Variants in LPP observed in about 807,000 individuals in gnomAD.
The protein encoded by LPP is LIM domain containing preferred translocation partner in lipoma.
Under a neutral mutation model 60.4 loss-of-function variants are expected in LPP, and 38 were observed. The observed-to-expected ratio is 0.63, with a 90% CI of 0.49 to 0.83. The LOEUF (loss-of-function observed/expected upper bound fraction) is 0.83, where lower values mean the gene tolerates loss of function less well. Ranked by LOEUF, LPP falls within the 40% of genes least tolerant of loss-of-function variation. LPP has a pLI of 0.00. For missense variants in LPP, 902 were observed against 783.6 expected, an observed-to-expected ratio of 1.15 and a Z score of -1.80; for synonymous variants, 328 against 290.8, an observed-to-expected ratio of 1.13 and a Z score of -1.30.
chr3:188,405,553 T>C (rs1041342778), intron 3 of LPP, among the ~76,000 whole-genome samples: 1 of 152,142 alleles, frequency 6.6e-6, no homozygotes, highest in Non-Finnish European at 1.5e-5. Context: ...GTATATCACC[T>C]CATCAATAAA....
intron 3 of LPP, among the ~76,000 whole-genome samples, chr3:188,353,605 C>T (rs1330277770): frequency 6.6e-6 from 1 of 152,194 alleles, no homozygotes. Flanking sequence ...TGCTTTCCCC[C>T]ACTACATACC....
rs115868682 is a variant in LPP at position 188,630,102 on chromosome 3, A to G, written c.1113+20258A>G. On this transcript the variant is annotated intron_variant, in intron 7 of 11. Transcript: ENST00000617246. The stretch of plus-strand genomic sequence containing the variant: ...TATGAGGTCTCCGAAAGCAATTGCA[A>G]CAAAAACAAAAATTGACAAGTGAGA... 3.3e-3 allele frequency among the ~76,000 whole-genome samples: 508 copies of G among 152,308 alleles called. 2 individuals carry two copies. Among genetic ancestry groups the G allele is most frequent in the African/African-American group, 0.011 (475 of 41,572 alleles).
At chr3:188,521,275 G>T (rs1170840415) in intron 5 of LPP, among the ~76,000 whole-genome samples, 1 of 152,180 alleles carries the variant, frequency 6.6e-6, no homozygotes, top group Non-Finnish European at 1.5e-5. Flanking sequence ...CCTAATTTGA[G>T]AAACTGAAAA....
intron 4 of LPP, among the ~76,000 whole-genome samples, chr3:188,457,739 A>AAAT (rs1553903685): frequency 2.1e-3 from 288 of 140,070 alleles, no homozygotes; most frequent in African/African-American, 6.0e-3. Flanking sequence ...AAAAAAAAAA[A>AAAT]ATATATATAT....
chr3:188,160,271 T>C (rs1717846679), intron 1 of LPP, among the ~76,000 whole-genome samples: 1 of 151,956 alleles, frequency 6.6e-6, no homozygotes, highest in Non-Finnish European at 1.5e-5. Flanking sequence ...CTCGGCTCAC[T>C]GCAACCTCCG....
chr3:188,787,784 C>T (rs1742419064), intron 9 of LPP, among the ~76,000 whole-genome samples: 1 of 152,194 alleles, frequency 6.6e-6, no homozygotes, highest in Admixed American at 6.5e-5. Flanking sequence ...CCCTTCTTGT[C>T]TCAATCTGTA....
chr3:188,589,835 T>C (rs1176622564), intron 6 of LPP, among the ~76,000 whole-genome samples: 2 of 152,226 alleles, frequency 1.3e-5, no homozygotes, highest in African/African-American at 4.8e-5. Flanking sequence ...AAAAGCATAT[T>C]TTGAACTAAA....
chr3:188,282,819 A>G (rs1742572619), intron 2 of LPP, among the ~76,000 whole-genome samples: 1 of 152,056 alleles, frequency 6.6e-6, no homozygotes, highest in African/African-American at 2.4e-5. Flanking sequence ...CCCATCACAC[A>G]GTTTGTACTT....
intron 8 of LPP, among the ~76,000 whole-genome samples, chr3:188,731,129 T>C (rs1720312018): frequency 6.6e-6 from 1 of 152,242 alleles, no homozygotes; most frequent in South Asian, 2.1e-4. Flanking sequence ...TTGGGAGGCA[T>C]TACGCTGCCT....
chr3:188,367,149 G>T (rs974166119), intron 3 of LPP, among the ~76,000 whole-genome samples: 2 of 151,934 alleles, frequency 1.3e-5, no homozygotes, highest in South Asian at 4.1e-4. Context: ...ACCCACCTTG[G>T]CCTCCCAAAG....
intron 7 of LPP, among the ~76,000 whole-genome samples, chr3:188,629,327 G>A (rs9821374): frequency 2.0e-5 from 3 of 152,080 alleles, no homozygotes; most frequent in East Asian, 1.9e-4. Context: ...AAACCCCATA[G>A]ACTCTGCCTA....
chr3:188,427,322 G>T (rs187660102), intron 4 of LPP, among the ~76,000 whole-genome samples: 1 of 152,148 alleles, frequency 6.6e-6, no homozygotes, highest in African/African-American at 2.4e-5. Context: ...AGAGAGATCT[G>T]CTGTTAGTCT....
At chr3:188,690,820 A>G (rs1861959768) in intron 7 of LPP, among the ~76,000 whole-genome samples, 1 of 151,974 alleles carries the variant, frequency 6.6e-6, no homozygotes, top group Non-Finnish European at 1.5e-5. Context: ...GGAACTCCTT[A>G]ATTTTCATGG....
intron 9 of LPP, among the ~76,000 whole-genome samples, chr3:188,840,193 C>T (rs940325131): frequency 6.6e-6 from 1 of 152,084 alleles, no homozygotes. Flanking sequence ...CTTTTTCCAG[C>T]TATTGATGAG....
At chr3:188,498,018 C>T (rs991223836) in intron 5 of LPP, among the ~76,000 whole-genome samples, 1 of 152,166 alleles carries the variant, frequency 6.6e-6, no homozygotes, top group South Asian at 2.1e-4. Flanking sequence ...CATGAACTAG[C>T]TCATTTCAGT....
At chr3:188,258,995 A>G (rs1202293036) in intron 2 of LPP, among the ~76,000 whole-genome samples, 1 of 152,166 alleles carries the variant, frequency 6.6e-6, no homozygotes, top group Non-Finnish European at 1.5e-5. Context: ...AGCAACCAAA[A>G]GTCAGTGCTG....
intron 9 of LPP, among the ~76,000 whole-genome samples, chr3:188,806,609 A>G (rs992607346): frequency 2.0e-5 from 3 of 151,796 alleles, no homozygotes; most frequent in Non-Finnish European, 4.4e-5. Flanking sequence ...CATCTGCTAT[A>G]TTTTTCTCTT....
chr3:188,861,954 TC>T (rs1386423588), intron 9 of LPP, among the ~76,000 whole-genome samples: 1 of 152,216 alleles, frequency 6.6e-6, no homozygotes, highest in African/African-American at 2.4e-5. Context: ...TGGAAAAAAG[TC>T]CTCAAACAGT....
chr3:188,545,483 A>G (rs1826379199), intron 6 of LPP, among the ~76,000 whole-genome samples: 2 of 151,976 alleles, frequency 1.3e-5, no homozygotes, highest in South Asian at 2.1e-4. Flanking sequence ...AAGCTTAGTA[A>G]TGTCTACCTT....
Sources: allele counts gnomAD v4.1 joint callset (sites outside exome capture counted in the v4.1 genomes callset), GRCh38; gene constraint gnomAD v4.1.1; transcripts MANE v1.5; gene names NCBI Gene and HGNC (gene_info 2026-07-23, HGNC 2026-07-21).